Variants in FAM222B observed in about 807,000 individuals in gnomAD.
The protein encoded by FAM222B is protein FAM222B.
A neutral mutation model predicts 38.0 loss-of-function variants in FAM222B; 12 were observed. The ratio of observed to expected loss-of-function variants is 0.32; its 90% CI spans 0.20 to 0.51. The LOEUF is 0.51. Among genes scored for constraint, FAM222B ranks in the 20% least tolerant of loss-of-function variants. The pLI is 0.97. For synonymous variants in FAM222B, 329 were observed against 317.2 expected (o/e 1.04, Z -0.40); for missense variants, 716 against 754.2 (o/e 0.95, Z 0.59).
In FAM222B at chr17:28,826,531, A is replaced by C. The variant is rs1005723671; in HGVS notation, c.-41+16151T>G. ...CCCTGTCTCTACTAAACACAAAAAAAACAGCCAGGCGTGGTGGTGCATGCT... is the reference window on the plus strand; with the variant it reads ...CCCTGTCTCTACTAAACACAAAAAACACAGCCAGGCGTGGTGGTGCATGCT... On this transcript the variant is annotated intron_variant, in intron 1 of 2. Coordinates refer to ENST00000581407, the MANE Select transcript of FAM222B (RefSeq NM_001077498.3). Among the ~76,000 whole-genome samples, 4 of 152,120 alleles carry C rather than the reference A, an allele frequency of 2.6e-5. No individual in the cohort carries two copies. The East Asian group carries it at 7.8e-4, about 30-fold the overall frequency.
At chr17:28,851,157 TA>T (rs1349657462) in intron 1 of FAM222B, among the ~76,000 whole-genome samples, 2 of 151,588 alleles carry the variant, frequency 1.3e-5, no homozygotes, top group Non-Finnish European at 2.9e-5. Flanking sequence ...GTTCCAAGGC[TA>T]GGGGCAGTAA....
intron 1 of FAM222B, among the ~76,000 whole-genome samples, chr17:28,823,502 C>T (rs1470899745): frequency 1.3e-5 from 2 of 152,262 alleles, no homozygotes; most frequent in Admixed American, 1.3e-4. Context: ...ACCTCAGCCT[C>T]CTGAATACCT....
intron 1 of FAM222B, among the ~76,000 whole-genome samples, chr17:28,794,282 G>A (rs1055816082): frequency 6.6e-6 from 1 of 151,006 alleles, no homozygotes; most frequent in African/African-American, 2.4e-5. Context: ...GCAGTGGTGC[G>A]ATCTCGGCTC....
intron 1 of FAM222B, among the ~76,000 whole-genome samples, chr17:28,772,491 G>A (rs1420797212): frequency 1.4e-5 from 2 of 145,632 alleles, no homozygotes; most frequent in Admixed American, 7.1e-5. Flanking sequence ...TTGGGAGGCC[G>A]AGGCGGGCGG....
At chr17:28,817,152 C>A (rs1372458222) in intron 1 of FAM222B, among the ~76,000 whole-genome samples, 4 of 152,218 alleles carry the variant, frequency 2.6e-5, no homozygotes, top group Admixed American at 2.6e-4. Context: ...GTGGCTCACA[C>A]CTGTAATCCC....
At chr17:28,820,241 T>C (rs1015744114) in intron 1 of FAM222B, among the ~76,000 whole-genome samples, 1 of 152,198 alleles carries the variant, frequency 6.6e-6, no homozygotes, top group Non-Finnish European at 1.5e-5. Context: ...ATTGTTAATG[T>C]CACTTAAAAG....
intron 1 of FAM222B, among the ~76,000 whole-genome samples, chr17:28,797,339 G>A (rs1938276656): frequency 6.6e-6 from 1 of 152,042 alleles, no homozygotes; most frequent in Admixed American, 6.6e-5. Context: ...TCTCAAATGA[G>A]CATGTCATAA....
chr17:28,765,471 C>G lies in FAM222B; in HGVS notation c.82+1115G>C, dbSNP rs1339882743. Among the ~76,000 whole-genome samples the G allele has an allele frequency of 2.6e-5, 4 of 152,270 alleles. No homozygotes were observed. In the East Asian group the frequency reaches 7.7e-4, roughly 29 times the overall value. On this transcript the variant is annotated intron_variant, in intron 2 of 2. Transcript: ENST00000581407. ...CTGGGCTTTACAGAAAGTTTGTTAA[C>G]CCCTGTCATAAGGGGTTCAGTTAAG...
chr17:28,803,070 G>A (rs1422665728), intron 1 of FAM222B, among the ~76,000 whole-genome samples: 2 of 151,860 alleles, frequency 1.3e-5, no homozygotes. Flanking sequence ...GTACAGTGGT[G>A]CAATCTCGGC....
At chr17:28,762,552 G>A (rs879652505) in intron 2 of FAM222B, among the ~76,000 whole-genome samples, 3 of 150,148 alleles carry the variant, frequency 2.0e-5, no homozygotes, top group Non-Finnish European at 3.0e-5. Flanking sequence ...GCTTGAACCC[G>A]GCAGGTGGAG....
chr17:28,844,104 C>A (rs779595345), upstream of FAM222B, among the ~76,000 whole-genome samples: 4 of 152,158 alleles, frequency 2.6e-5, no homozygotes, highest in Non-Finnish European at 4.4e-5. Flanking sequence ...AGTCCCTAGA[C>A]TACTGTGCTG....
At chr17:28,806,333 G>A (rs1025427583) in intron 1 of FAM222B, among the ~76,000 whole-genome samples, 2 of 152,100 alleles carry the variant, frequency 1.3e-5, no homozygotes, top group Non-Finnish European at 2.9e-5. Context: ...CTAGAGTCTT[G>A]TCCATATCTT....
At chr17:28,792,758 G>C (rs186915435) in intron 1 of FAM222B, among the ~76,000 whole-genome samples, 4 of 149,790 alleles carry the variant, frequency 2.7e-5, no homozygotes, top group Non-Finnish European at 5.9e-5. Flanking sequence ...TCCAGCCTGG[G>C]TGACAGAGCG....
chr17:28,789,655 A>G (rs928015833), intron 1 of FAM222B, among the ~76,000 whole-genome samples: 3 of 152,180 alleles, frequency 2.0e-5, no homozygotes, highest in African/African-American at 4.8e-5. Context: ...CTCCCACCCA[A>G]TTGCAATGAG....
At chr17:28,801,189 C>G (rs1477614384) in intron 1 of FAM222B, among the ~76,000 whole-genome samples, 2 of 150,420 alleles carry the variant, frequency 1.3e-5, no homozygotes, top group African/African-American at 4.9e-5. Context: ...CGCAGTGGCT[C>G]ACGCCTGTAA....
At chr17:28,827,392 C>A (rs1293933469) in intron 1 of FAM222B, among the ~76,000 whole-genome samples, 2 of 151,756 alleles carry the variant, frequency 1.3e-5, no homozygotes, top group Non-Finnish European at 2.9e-5. Context: ...AAAGGAATAA[C>A]CCCTACCTAC....
Position 28,790,896 on chromosome 17 carries a change from T to TAA in FAM222B, c.-40-24190_-40-24189insTT, listed in dbSNP as rs2036645085. On this transcript the variant is annotated intron_variant, in intron 1 of 2. Coordinates refer to ENST00000581407, the MANE Select transcript of FAM222B (RefSeq NM_001077498.3). The stretch of plus-strand genomic sequence containing the variant: ...TCAAATTGTTTCACTTTTTTTTTTT[T>TAA]TTTTTTTTTTTTTTTTTTTAGAGAC... Among the ~76,000 whole-genome samples, 2 of 102,056 alleles carry TAA rather than the reference T, an allele frequency of 2.0e-5. 1 individual carries two copies. The highest frequency in any genetic ancestry group is 6.8e-5 in the African/African-American group (2 of 29,384). 67.0% of individuals were successfully genotyped at this position (102,056 alleles called of 152,430 possible).
chr17:28,810,287 G>A (rs1407733191), intron 1 of FAM222B, among the ~76,000 whole-genome samples: 6 of 152,072 alleles, frequency 3.9e-5, no homozygotes, highest in African/African-American at 1.2e-4. Context: ...ATTGCACCCC[G>A]CCTTCCAACT....
At chr17:28,766,868 C>T (rs575866527) in intron 1 of FAM222B, 161 bp from the exon 2 acceptor site, 45 of 534,602 alleles carry the variant, frequency 8.4e-5, no homozygotes, top group Admixed American at 3.6e-4. Flanking sequence ...TTATCTGTGA[C>T]GACAATTTGC....
Sources: gnomAD v4.1 joint callset for allele counts (sites outside exome capture counted in the v4.1 genomes callset) on GRCh38, gnomAD v4.1.1 for gene constraint, MANE v1.5 for transcripts, NCBI Gene and HGNC (gene_info 2026-07-23, HGNC 2026-07-21) for gene names.